RUNDC3B: variants seen among roughly 807,000 people sequenced by gnomAD.
The protein encoded by RUNDC3B is RUN domain-containing protein 3B.
A neutral mutation model predicts 58.4 loss-of-function variants in RUNDC3B; 33 were observed. The observed-to-expected ratio is 0.56, with a 90% CI of 0.43 to 0.75. RUNDC3B has a LOEUF of 0.75. Among genes scored for constraint, RUNDC3B ranks in the 30% least tolerant of loss-of-function variants. RUNDC3B has a pLI of 0.00. For missense variants in RUNDC3B, 501 were observed against 535.7 expected (o/e 0.94, Z 0.64); for synonymous variants, 193 against 195.2 (o/e 0.99, Z 0.10).
chr7:87,801,735 C>T (rs958196285), intron 8 of RUNDC3B, among the ~76,000 whole-genome samples: 7 of 152,168 alleles, frequency 4.6e-5, no homozygotes, highest in African/African-American at 1.7e-4. Context: ...TGCCACTGCA[C>T]TCCTGGGCGA....
In RUNDC3B at chr7:87,628,921, G is replaced by A; in HGVS notation, c.98G>A (p.Arg33Lys). ...SLSARNAAVE[R>K]RNLITVCRFS... ...AGCGCCCGCAATGCTGCGGTGGAGA[G>A]GAGGAACCTGATCACCGTGTGCAGG... Residue 33 changes from arginine to lysine, a missense_variant, in exon 1 of 11, where the codon AGG (arginine) becomes AAG (lysine). Physicochemically the swap from Arg to Lys is conservative, Grantham distance 26. Transcript: ENST00000394654. The A allele has an allele frequency of 7.6e-7, 1 of 1,309,884 alleles. No individual in the cohort carries two copies. The highest frequency in any genetic ancestry group is 9.8e-7 in the Non-Finnish European group (1 of 1,020,664). The allele number at this position is 1,309,884 out of a possible 1,614,324, so 81.1% of individuals were successfully genotyped here.
rs1319125994 is a variant in RUNDC3B at position 87,832,147 on chromosome 7, A to AATC, written c.*2118_*2120dup. On this transcript the variant is annotated 3_prime_UTR_variant, in exon 11 of 11. Coordinates refer to ENST00000394654, the MANE Select transcript of RUNDC3B (RefSeq NM_001134405.2). ...TGCATGAGGAAACCATGTATGTCTC[A>AATC]ATCTTTAATTTTAGGTGGTAGTGTT... 4 of 151,908 alleles carry AATC rather than the reference A, an allele frequency of 2.6e-5. No homozygotes were observed. The highest frequency in any genetic ancestry group is 9.7e-5 in the African/African-American group (4 of 41,400). The allele number at this position is 151,908 out of a possible 1,614,324, so 9.4% of individuals were successfully genotyped here. A position where few individuals can be genotyped will look rare whatever the true frequency, so the allele number is the denominator to read the frequency against.
chr7:87,693,924 C>T, intron 2 of RUNDC3B: 1 of 1,609,826 alleles, frequency 6.2e-7, no homozygotes, highest in East Asian at 2.2e-5. Flanking sequence ...CCCAAAGTTG[C>T]AGATGGCTGG....
chr7:87,654,984 G>A (rs1323280586), intron 2 of RUNDC3B, among the ~76,000 whole-genome samples: 1 of 152,002 alleles, frequency 6.6e-6, no homozygotes, highest in Non-Finnish European at 1.5e-5. Context: ...TAAAACCATA[G>A]TGAGATATCC....
intron 1 of RUNDC3B, among the ~76,000 whole-genome samples, chr7:87,640,756 A>T (rs542699963): frequency 6.6e-6 from 1 of 152,154 alleles, no homozygotes; most frequent in African/African-American, 2.4e-5. Context: ...TTCAGCTTGT[A>T]TGTTTTCTAT....
chr7:87,727,214 C>T (rs921084158), intron 4 of RUNDC3B, among the ~76,000 whole-genome samples: 20 of 152,004 alleles, frequency 1.3e-4, no homozygotes, highest in South Asian at 2.1e-4. Context: ...GTATGATATT[C>T]GCTGTGGGTT....
intron 2 of RUNDC3B, among the ~76,000 whole-genome samples, chr7:87,652,813 T>C (rs118076780): frequency 0.031 from 4,704 of 151,998 alleles, 72 homozygotes; most frequent in Middle Eastern, 0.048. Flanking sequence ...TCTTCACTTA[T>C]GATTTAGTTA....
At chr7:87,716,110 CACGTT>C (rs903984016) in intron 4 of RUNDC3B, among the ~76,000 whole-genome samples, 2 of 151,522 alleles carry the variant, frequency 1.3e-5, no homozygotes, top group African/African-American at 4.8e-5. Flanking sequence ...AAAAATAAAC[CACGTT>C]CAGAGTGATT....
intron 2 of RUNDC3B, among the ~76,000 whole-genome samples, chr7:87,677,369 A>G (rs1826482297): frequency 6.6e-6 from 1 of 151,830 alleles, no homozygotes; most frequent in Non-Finnish European, 1.5e-5. Context: ...TGCGATTTGC[A>G]GTAACAGATG....
intron 2 of RUNDC3B, among the ~76,000 whole-genome samples, chr7:87,687,710 G>A (rs1260684716): frequency 6.6e-6 from 1 of 152,076 alleles, no homozygotes; most frequent in Non-Finnish European, 1.5e-5. Flanking sequence ...AAACGAGTTA[G>A]AACTCCTGTG....
chr7:87,773,635 G>A (rs184531836), intron 7 of RUNDC3B, among the ~76,000 whole-genome samples: 19 of 142,042 alleles, frequency 1.3e-4, no homozygotes, highest in Admixed American at 6.8e-4. Context: ...ATTTTTGTTT[G>A]GTTTGTTTTG....
chr7:87,782,979 T>C (rs1835015338), intron 8 of RUNDC3B, among the ~76,000 whole-genome samples: 2 of 152,200 alleles, frequency 1.3e-5, no homozygotes, highest in South Asian at 4.1e-4. Context: ...TTAGGTCCAA[T>C]TGGACAAGTC....
chr7:87,769,158 G>A (rs1028387688), intron 6 of RUNDC3B, among the ~76,000 whole-genome samples: 6 of 150,460 alleles, frequency 4.0e-5, no homozygotes, highest in Admixed American at 4.0e-4. Context: ...GTGCCACCAC[G>A]CCCAGCTATT....
chr7:87,657,226 A>G (rs901535662), intron 2 of RUNDC3B, among the ~76,000 whole-genome samples: 1 of 152,152 alleles, frequency 6.6e-6, no homozygotes, highest in African/African-American at 2.4e-5. Flanking sequence ...TACCTCATAT[A>G]TCCCAGACTG....
intron 4 of RUNDC3B, among the ~76,000 whole-genome samples, chr7:87,717,005 C>A (rs535181541): frequency 1.0e-3 from 153 of 152,234 alleles, no homozygotes; most frequent in South Asian, 3.1e-3. Context: ...CACTATGTTG[C>A]CCAGGGCAGT....
intron 2 of RUNDC3B, among the ~76,000 whole-genome samples, chr7:87,684,746 C>CAAAAAAAAAAAAAAA (rs71524694): frequency 5.6e-4 from 21 of 37,786 alleles, no homozygotes; most frequent in South Asian, 1.1e-3. Context: ...GACTCCGTCT[C>CAAAAAAAAAAAAAAA]AAAAAAAAAA....
chr7:87,640,048 T>C (rs546830759), intron 1 of RUNDC3B, among the ~76,000 whole-genome samples: 128 of 151,034 alleles, frequency 8.5e-4, no homozygotes, highest in African/African-American at 3.0e-3. Context: ...CATTTCTTTA[T>C]ATATGTTTAT....
intron 1 of RUNDC3B, among the ~76,000 whole-genome samples, chr7:87,633,764 A>T (rs941674259): frequency 6.6e-6 from 1 of 152,186 alleles, no homozygotes; most frequent in Non-Finnish European, 1.5e-5. Flanking sequence ...ACTAATCAGA[A>T]AAACTGTCTA....
chr7:87,797,090 TG>T (rs1835861020), intron 8 of RUNDC3B, among the ~76,000 whole-genome samples: 1 of 152,158 alleles, frequency 6.6e-6, no homozygotes. Flanking sequence ...TGTATAAAGA[TG>T]TAATTTTGTG....
Sources: gnomAD v4.1 joint callset for allele counts (sites outside exome capture counted in the v4.1 genomes callset) on GRCh38, gnomAD v4.1.1 for gene constraint, MANE v1.5 for transcripts, NCBI Gene and HGNC (gene_info 2026-07-23, HGNC 2026-07-21) for gene names.